APLF: variants seen among roughly 807,000 people sequenced by gnomAD.
APLF encodes aprataxin and PNKP like factor.
A neutral mutation model predicts 55.6 loss-of-function variants in APLF; 61 were observed. The observed-to-expected ratio is 1.10, with a 90% CI of 0.89 to 1.36. The LOEUF is 1.36. Among genes scored for constraint, APLF ranks in the 40% most tolerant of loss-of-function variants. The pLI, the probability that APLF is intolerant of heterozygous loss-of-function variation, is 0.00. For synonymous variants in APLF, 207 were observed against 214.8 expected (o/e 0.96, Z 0.32); for missense variants, 611 against 602.5 (o/e 1.01, Z -0.15).
rs201731181 is a variant in APLF, at chr2:68,577,902, G to A, written c.1416G>A (p.Glu472=). The A allele has an allele frequency of 1.2e-6, 2 of 1,613,518 alleles. No individual in the cohort carries two copies. Among genetic ancestry groups the A allele is most frequent in the Admixed American group, 1.7e-5 (1 of 59,958 alleles). The change falls in exon 10 of 10, where the codon GAG becomes GAA. Residue 472 remains glutamate (E), a synonymous_variant. Coordinates refer to ENST00000303795, the MANE Select transcript of APLF (RefSeq NM_173545.3). ...TGAACGACAGCTTTCTAGATGATGA[G>A]GAAGAAGACTATGAGCCAACAGATG... The part of the protein sequence containing the change: ...YDLNDSFLDD[E]EEDYEPTDED...
intron 2 of APLF, among the ~76,000 whole-genome samples, chr2:68,498,531 C>CA (rs1451884208): frequency 6.6e-6 from 1 of 152,150 alleles, no homozygotes; most frequent in Admixed American, 6.5e-5. Context: ...ATTTCTCCTA[C>CA]AAAAAATGCT....
intron 2 of APLF, among the ~76,000 whole-genome samples, chr2:68,492,295 G>A (rs926345170): frequency 3.9e-4 from 59 of 152,162 alleles, no homozygotes; most frequent in Non-Finnish European, 7.4e-4. Flanking sequence ...TGGCTAACAC[G>A]GTGAAACGCC....
Position 68,519,256 on chromosome 2 carries a change from TATATA to T in APLF, c.622+5587_622+5591del, listed in dbSNP as rs963942123. Among the ~76,000 whole-genome samples the T allele has an allele frequency of 2.5e-3, 352 of 139,096 alleles. 4 individuals are homozygous for T. Among genetic ancestry groups the T allele is most frequent in the African/African-American group, 3.2e-3 (121 of 37,734 alleles). 91.3% of individuals were successfully genotyped at this position (139,096 alleles called of 152,430 possible). On this transcript the variant is annotated intron_variant, in intron 5 of 9. Transcript: ENST00000303795. ...TATATTATATATTATATATCATTTA[TATATA>T]ATATAATATATTATATGTATATTGT...
At chr2:68,518,508 T>TTAATATATTATTATATTATATATTAATA (rs1475062217) in intron 5 of APLF, among the ~76,000 whole-genome samples, 4 of 117,052 alleles carry the variant, frequency 3.4e-5, no homozygotes, top group African/African-American at 1.4e-4. Context: ...TATAATAATG[T>TTAATATATTATTATATTATATATTAATA]TAATATATTA....
At chr2:68,545,429 T>C (rs1450821653) in intron 8 of APLF, 117 bp downstream of exon 8, 2 of 1,287,720 alleles carry the variant, frequency 1.6e-6, no homozygotes, top group African/African-American at 1.5e-5. Flanking sequence ...TTTAAACTTC[T>C]GTAGATTACA....
At chr2:68,516,187 C>T (rs553870844) in intron 5 of APLF, among the ~76,000 whole-genome samples, 2 of 151,708 alleles carry the variant, frequency 1.3e-5, no homozygotes, top group South Asian at 4.1e-4. Flanking sequence ...AATGCCAGAG[C>T]TGTAACTGAG....
intron 5 of APLF, among the ~76,000 whole-genome samples, chr2:68,518,611 T>TATATCATGAATATATAATAATATGTC (rs1669748167): frequency 2.6e-5 from 3 of 113,268 alleles, no homozygotes; most frequent in African/African-American, 1.1e-4. Context: ...AATATATCAT[T>TATATCATGAATATATAATAATATGTC]AATATATCAT....
chr2:68,535,193 A>G, intron 6 of APLF: 1 of 307,688 alleles, frequency 3.3e-6, no homozygotes, highest in Non-Finnish European at 6.6e-6. Context: ...TAATTCATGG[A>G]AGTAGATGGA....
chr2:68,499,266 A>T lies in APLF; in HGVS notation c.169-3465A>T, dbSNP rs563239966. On this transcript the variant is annotated intron_variant, in intron 2 of 9. Coordinates refer to ENST00000303795, the MANE Select transcript of APLF (RefSeq NM_173545.3). ...ATTTGTTAAAAGGCATACACCAACAATGTCTCTCATGTAGGTAGTTATATC... is the reference window on the plus strand; with the variant it reads ...ATTTGTTAAAAGGCATACACCAACATTGTCTCTCATGTAGGTAGTTATATC... Among the ~76,000 whole-genome samples the T allele has an allele frequency of 2.0e-5, 3 of 152,276 alleles. No individual in the cohort carries two copies. In the Middle Eastern group the frequency reaches 0.01, roughly 518 times the overall value.
chr2:68,561,685 A>G (rs908641172), intron 8 of APLF, among the ~76,000 whole-genome samples: 1 of 152,062 alleles, frequency 6.6e-6, no homozygotes, highest in African/African-American at 2.4e-5. Flanking sequence ...AGATTTAATG[A>G]GTACTTTGAT....
rs563066706 is a variant in APLF at position 68,494,975 on chromosome 2, C to T, written c.168+4714C>T. On this transcript the variant is annotated intron_variant, in intron 2 of 9. Transcript: ENST00000303795. ...TTTAAATTACTAAGTCTCACGAGAA[C>T]TCATGCACTATTTGGAAGATAGCAC... Among the ~76,000 whole-genome samples, 9 of 152,242 alleles carry T rather than the reference C, an allele frequency of 5.9e-5. No homozygotes were observed. The South Asian group carries it at 1.9e-3, about 32-fold the overall frequency.
At chr2:68,552,406 C>T (rs1403503648) in intron 8 of APLF, among the ~76,000 whole-genome samples, 1 of 124,832 alleles carries the variant, frequency 8.0e-6, no homozygotes, top group African/African-American at 3.3e-5. Flanking sequence ...TATCCTTAAC[C>T]AATACCAAGA....
chr2:68,494,303 GAAA>G (rs1676469653), intron 2 of APLF, among the ~76,000 whole-genome samples: 1 of 111,184 alleles, frequency 9.0e-6, no homozygotes, highest in Non-Finnish European at 1.9e-5. Flanking sequence ...AAAAAAAAAA[GAAA>G]AGAAAAAAGA....
intron 8 of APLF, among the ~76,000 whole-genome samples, chr2:68,565,508 C>CAGATAGAT (rs71395978): frequency 0.085 from 12,411 of 146,322 alleles, 670 homozygotes; most frequent in African/African-American, 0.13. Flanking sequence ...GACAGATAGA[C>CAGATAGAT]AGATAGATAC....
At chr2:68,475,891 A>G (rs534378854) in intron 1 of APLF, among the ~76,000 whole-genome samples, 35 of 151,556 alleles carry the variant, frequency 2.3e-4, no homozygotes, top group African/African-American at 7.5e-4. Context: ...TTATATATAT[A>G]TATATATTTT....
In APLF at chr2:68,496,479, A is replaced by T. The variant is rs1179148967; in HGVS notation, c.168+6218A>T. Among the ~76,000 whole-genome samples, 3 of 152,108 alleles carry T rather than the reference A, an allele frequency of 2.0e-5. No homozygotes were observed. The East Asian group carries it at 5.8e-4, about 29-fold the overall frequency. Reference sequence around the variant, plus strand: ...ACAGCCTGCTTGAATCCTTCTCCTGAAAAAGCTTTTTATTTCTCTGCCACG... The same window carrying T: ...ACAGCCTGCTTGAATCCTTCTCCTGTAAAAGCTTTTTATTTCTCTGCCACG... On this transcript the variant is annotated intron_variant, in intron 2 of 9. Transcript: ENST00000303795.
intron 5 of APLF, among the ~76,000 whole-genome samples, chr2:68,518,339 T>C (rs1669717622): frequency 8.8e-6 from 1 of 113,192 alleles, no homozygotes; most frequent in Non-Finnish European, 1.6e-5. Flanking sequence ...TATTAATAAA[T>C]AATTATATAT....
At chr2:68,542,025 ACAAAT>A (rs1434187002) in intron 7 of APLF, among the ~76,000 whole-genome samples, 6 of 152,216 alleles carry the variant, frequency 3.9e-5, no homozygotes, top group Non-Finnish European at 7.3e-5. Flanking sequence ...TGGTCTCAAG[ACAAAT>A]CAAAGAGGAA....
intron 7 of APLF, among the ~76,000 whole-genome samples, chr2:68,543,338 A>G (rs540896223): frequency 4.7e-4 from 72 of 152,314 alleles, no homozygotes; most frequent in African/African-American, 1.7e-3. Context: ...TGTTACGTAT[A>G]TATTCTTAGC....
Sources: allele counts gnomAD v4.1 joint callset (sites outside exome capture counted in the v4.1 genomes callset), GRCh38; gene constraint gnomAD v4.1.1; transcripts MANE v1.5; gene names NCBI Gene and HGNC (gene_info 2026-07-23, HGNC 2026-07-21).